The following DNAI3 variants were observed in gnomAD, a reference collection of about 807,000 sequenced individuals.
DNAI3 encodes the protein dynein axonemal intermediate chain 3.
In DNAI3, 83 loss-of-function variants were observed where a neutral mutation model predicts 115.5. That is an observed-to-expected ratio of 0.72 (90% CI 0.60 to 0.86). The LOEUF (loss-of-function observed/expected upper bound fraction) is 0.86. Among genes scored for constraint, DNAI3 ranks in the 40% least tolerant of loss-of-function variants. DNAI3 has a pLI of 0.00. For synonymous variants in DNAI3, 320 were observed against 347.0 expected (o/e 0.92, Z 0.86); for missense variants, 1,004 against 1,075.8 (o/e 0.93, Z 0.93).
chr1:85,076,965 T>C lies in DNAI3; in HGVS notation c.103+3873T>C, dbSNP rs187425343. On this transcript the variant is annotated intron_variant, in intron 3 of 22. Coordinates refer to ENST00000294664, the MANE Select transcript of DNAI3 (RefSeq NM_145172.5). ...CTTCACCTTCCTGAGCCTCTGCTTC[T>C]TCATCTGAAAAGCAAGATAGACTAT... Among the ~76,000 whole-genome samples the C allele has an allele frequency of 1.2e-3, 186 of 152,314 alleles. 1 individual carries two copies. The highest frequency in any genetic ancestry group is 1.9e-3 in the Non-Finnish European group (126 of 68,032).
intron 5 of DNAI3, 134 bp downstream of exon 5, chr1:85,082,538 A>G: frequency 1.5e-6 from 1 of 676,678 alleles, no homozygotes. Context: ...TCAATCTCCC[A>G]GGCCCAAGTG....
At position 85,098,545 on chromosome 1, in the gene DNAI3, G is replaced by A; in HGVS notation, c.1366G>A (p.Glu456Lys). 3 of 1,611,614 alleles carry A rather than the reference G, an allele frequency of 1.9e-6. No homozygotes were observed. Residue 456 changes from glutamate (E) to lysine (K), a missense_variant, in exon 13 of 23, where the codon GAA (glutamate) becomes AAA (lysine). By Grantham distance (56) the Glu-to-Lys change is moderately conservative. Coordinates refer to ENST00000294664, the MANE Select transcript of DNAI3 (RefSeq NM_145172.5). Reference protein sequence around the residue: ...RATLKPMFLLEPESNKEAMYI... With the variant: ...RATLKPMFLLKPESNKEAMYI... ...TATTTTTCAGCCTATGTTTCTCCTT[G>A]AACCGGAGAGTAATAAAGAAGCAAT...
chr1:85,130,399 T>A (rs982101663), intron 22 of DNAI3, among the ~76,000 whole-genome samples: 1 of 152,140 alleles, frequency 6.6e-6, no homozygotes, highest in Non-Finnish European at 1.5e-5. Context: ...AATTTTAATA[T>A]CTGGTGAATA....
intron 15 of DNAI3, among the ~76,000 whole-genome samples, chr1:85,108,582 T>G (rs1174184903): frequency 6.6e-6 from 1 of 152,212 alleles, no homozygotes; most frequent in African/African-American, 2.4e-5. Context: ...ATGATAAGTT[T>G]CAGAGTTCCT....
intron 3 of DNAI3, 68 bp from the exon 4 acceptor site, chr1:85,081,166 C>A (rs1654621726): frequency 1.6e-6 from 2 of 1,288,846 alleles, no homozygotes; most frequent in Non-Finnish European, 2.1e-6. Flanking sequence ...CAAGCGATTG[C>A]ATGTTTTCTA....
At chr1:85,083,350 G>A (rs1012416908) in intron 5 of DNAI3, among the ~76,000 whole-genome samples, 1 of 152,026 alleles carries the variant, frequency 6.6e-6, no homozygotes, top group African/African-American at 2.4e-5. Flanking sequence ...AGCCAGGCAT[G>A]GTAGCACGTG....
intron 22 of DNAI3, 82 bp downstream of exon 22, chr1:85,130,194 A>G (rs1353390861): frequency 5.1e-6 from 8 of 1,568,468 alleles, no homozygotes; most frequent in Non-Finnish European, 6.1e-6. Context: ...CACAGTTTCC[A>G]TAGAAAAGTT....
intron 7 of DNAI3, among the ~76,000 whole-genome samples, chr1:85,089,667 G>T (rs1654909494): frequency 6.6e-6 from 1 of 151,878 alleles, no homozygotes; most frequent in Admixed American, 6.6e-5. Flanking sequence ...CTAGACACCA[G>T]TAGCATGTCT....
intron 14 of DNAI3, among the ~76,000 whole-genome samples, chr1:85,106,850 A>C (rs1374930725): frequency 1.3e-5 from 2 of 152,204 alleles, no homozygotes; most frequent in South Asian, 4.1e-4. Context: ...ATAACGTTGG[A>C]TTCCTATCTC....
At position 85,098,620 on chromosome 1, in the gene DNAI3, G is replaced by C; in HGVS notation, c.1441G>C (p.Val481Leu). The C allele has an allele frequency of 6.2e-7, 1 of 1,613,518 alleles. No homozygotes were observed. Among genetic ancestry groups the C allele is most frequent in the East Asian group, 2.2e-5 (1 of 44,774 alleles). The change falls in exon 13 of 23, where the codon GTA becomes CTA. Residue 481 changes from valine (V) to leucine (L), a missense_variant. Val to Leu is a conservative substitution (Grantham distance 32). Transcript: ENST00000294664. Reference protein sequence around the residue: ...VSSIENGHKKVITDIHWLSDT... With the variant: ...VSSIENGHKKLITDIHWLSDT... ...TTCAATAGAAAATGGACATAAGAAA[G>C]TAATTACAGATATACACTGGTTGTC...
At chr1:85,109,902 GA>G (rs1655600602) in intron 15 of DNAI3, 145 bp from the exon 16 acceptor site, 2 of 697,214 alleles carry the variant, frequency 2.9e-6, no homozygotes, top group Non-Finnish European at 4.7e-6. Flanking sequence ...AAAGAAACTA[GA>G]AATTTGAGGG....
At chr1:85,069,307 T>C (rs1654191948) in intron 1 of DNAI3, among the ~76,000 whole-genome samples, 1 of 152,216 alleles carries the variant, frequency 6.6e-6, no homozygotes, top group Admixed American at 6.5e-5. Context: ...TTCAGATCTT[T>C]GTTCCAATGT....
intron 1 of DNAI3, among the ~76,000 whole-genome samples, chr1:85,064,506 C>T (rs1347826225): frequency 1.3e-5 from 2 of 152,164 alleles, no homozygotes; most frequent in Non-Finnish European, 2.9e-5. Context: ...TGAAGATTTA[C>T]TGAGAATCAA....
intron 16 of DNAI3, among the ~76,000 whole-genome samples, chr1:85,114,539 C>T (rs896601721): frequency 1.6e-4 from 25 of 152,078 alleles, no homozygotes; most frequent in African/African-American, 5.6e-4. Flanking sequence ...GAGTGGACAT[C>T]CCTGTTTTGT....
chr1:85,127,877 G>A (rs1376200407), intron 20 of DNAI3, among the ~76,000 whole-genome samples: 1 of 152,000 alleles, frequency 6.6e-6, no homozygotes, highest in Non-Finnish European at 1.5e-5. Context: ...CACTTTGGGA[G>A]GCTGAGTGAG....
intron 14 of DNAI3, among the ~76,000 whole-genome samples, chr1:85,106,509 A>G (rs1179982032): frequency 6.6e-6 from 1 of 152,222 alleles, no homozygotes; most frequent in Non-Finnish European, 1.5e-5. Flanking sequence ...ATAAGCACAT[A>G]AAAAGATGCT....
chr1:85,121,109 T>A (rs1336518435), intron 17 of DNAI3, among the ~76,000 whole-genome samples: 1 of 152,190 alleles, frequency 6.6e-6, no homozygotes, highest in South Asian at 2.1e-4. Flanking sequence ...AGGGACTAAT[T>A]ATTTTCTGTA....
chr1:85,123,722 A>C (rs1374200274), intron 18 of DNAI3, among the ~76,000 whole-genome samples: 2 of 152,192 alleles, frequency 1.3e-5, no homozygotes, highest in African/African-American at 4.8e-5. Context: ...TGTTTATTGA[A>C]ATTCTATCTT....
intron 14 of DNAI3, among the ~76,000 whole-genome samples, chr1:85,106,177 A>G (rs1334113569): frequency 6.6e-6 from 1 of 152,192 alleles, no homozygotes; most frequent in Non-Finnish European, 1.5e-5. Context: ...AACTCTGTGT[A>G]TGTTATTTTC....
Sources: gnomAD v4.1 joint callset for allele counts (sites outside exome capture counted in the v4.1 genomes callset) on GRCh38, gnomAD v4.1.1 for gene constraint, MANE v1.5 for transcripts, NCBI Gene and HGNC (gene_info 2026-07-23, HGNC 2026-07-21) for gene names.